FRK: variants seen among roughly 807,000 people sequenced by gnomAD.
The protein encoded by FRK is tyrosine-protein kinase FRK.
Under a neutral mutation model 56.4 loss-of-function variants are expected in FRK, and 51 were observed. The observed-to-expected ratio is 0.90, with a 90% CI of 0.72 to 1.14. FRK has a LOEUF of 1.14. FRK is among the 50% of genes most tolerant of loss of function. The pLI is 0.00. For missense variants in FRK, 570 were observed against 601.4 expected, an observed-to-expected ratio of 0.95 and a Z score of 0.55; for synonymous variants, 245 against 217.9, an observed-to-expected ratio of 1.12 and a Z score of -1.10.
the FRK span, among the ~76,000 whole-genome samples, chr6:116,095,624 C>T: frequency 6.6e-6 from 1 of 152,122 alleles, no homozygotes; most frequent in Non-Finnish European, 1.5e-5. Flanking sequence ...TAGAAATGGC[C>T]ACTGCTACAG....
At chr6:116,086,304 G>T in the FRK span, among the ~76,000 whole-genome samples, 7 of 152,130 alleles carry the variant, frequency 4.6e-5, no homozygotes, top group African/African-American at 1.7e-4. Flanking sequence ...TCTCAATATA[G>T]ATAAAAATCT....
intron 1 of FRK, among the ~76,000 whole-genome samples, chr6:116,008,961 C>T (rs1562283523): frequency 6.6e-6 from 1 of 152,094 alleles, no homozygotes; most frequent in African/African-American, 2.4e-5. Flanking sequence ...TTTAATTGAG[C>T]AAAGAATGAT....
chr6:116,003,848 T>C (rs1775151026), intron 2 of FRK, 29 bp downstream of exon 2: 3 of 1,611,428 alleles, frequency 1.9e-6, no homozygotes, highest in Non-Finnish European at 2.5e-6. Flanking sequence ...CTCAAGCTCA[T>C]ATTGAATGAC....
At chr6:115,985,144 A>G (rs1774342937) in intron 2 of FRK, among the ~76,000 whole-genome samples, 3 of 152,094 alleles carry the variant, frequency 2.0e-5, no homozygotes, top group Non-Finnish European at 4.4e-5. Flanking sequence ...CTCACTGTAA[A>G]GCCAAAAAGA....
chr6:116,094,993 C>T, the FRK span, among the ~76,000 whole-genome samples: 25 of 152,376 alleles, frequency 1.6e-4, no homozygotes, highest in African/African-American at 5.0e-4. Flanking sequence ...AATTGAAGGT[C>T]TTCTCTATAA....
chr6:115,942,595 A>G lies in FRK; in HGVS notation c.1337T>C (p.Leu446Ser). 6.2e-7 allele frequency: 1 copy of G among 1,613,784 alleles called. No individual in the cohort carries two copies. The highest frequency in any genetic ancestry group is 8.5e-7 in the Non-Finnish European group (1 of 1,179,730). Reference protein sequence around the residue: ...GMTGAQVIQMLAQNYRLPQPS... With the variant: ...GMTGAQVIQMSAQNYRLPQPS... ...TTGCGGAAGTCTATAGTTTTGAGCCAACATCTGGATTACCTGGGCACCTGT... is the reference window on the plus strand; with the variant it reads ...TTGCGGAAGTCTATAGTTTTGAGCCGACATCTGGATTACCTGGGCACCTGT... Residue 446 changes from leucine (L) to serine (S), a missense_variant, in exon 8 of 8, where the codon TTG becomes TCG. Leu to Ser is a moderately radical substitution (Grantham distance 145, BLOSUM62 -2). Coordinates refer to ENST00000606080, the MANE Select transcript of FRK (RefSeq NM_002031.3).
chr6:116,046,161 G>A (rs1248746901), intron 1 of FRK, among the ~76,000 whole-genome samples: 3 of 152,140 alleles, frequency 2.0e-5, no homozygotes, highest in African/African-American at 7.2e-5. Context: ...TGGAGAAATA[G>A]GAATGCTTTA....
At chr6:116,057,301 T>C (rs1202791269) in intron 1 of FRK, among the ~76,000 whole-genome samples, 1 of 152,180 alleles carries the variant, frequency 6.6e-6, no homozygotes, top group East Asian at 1.9e-4. Flanking sequence ...AAATAGACTT[T>C]TGAAAAAACT....
intron 1 of FRK, among the ~76,000 whole-genome samples, chr6:116,046,660 T>A (rs1406850109): frequency 6.6e-6 from 1 of 151,900 alleles, no homozygotes. Context: ...AGGGATAGCA[T>A]TAAGAGAAAT....
intron 2 of FRK, among the ~76,000 whole-genome samples, chr6:116,001,022 G>A (rs549799208): frequency 6.6e-6 from 1 of 152,220 alleles, no homozygotes; most frequent in African/African-American, 2.4e-5. Flanking sequence ...GATGGATCAC[G>A]AGGTCAGGAG....
At chr6:115,972,904 T>C (rs1321770274) in intron 2 of FRK, among the ~76,000 whole-genome samples, 1 of 152,206 alleles carries the variant, frequency 6.6e-6, no homozygotes, top group Non-Finnish European at 1.5e-5. Context: ...TAAGACGCTC[T>C]ATAACCAGCA....
At chr6:116,009,992 C>T (rs971552889) in intron 1 of FRK, among the ~76,000 whole-genome samples, 2 of 152,104 alleles carry the variant, frequency 1.3e-5, no homozygotes, top group African/African-American at 4.8e-5. Flanking sequence ...CTTTGGGAGG[C>T]CGAGGTGGGT....
At chr6:115,945,218 G>T (rs1316896679) in intron 5 of FRK, among the ~76,000 whole-genome samples, 2 of 151,968 alleles carry the variant, frequency 1.3e-5, no homozygotes, top group African/African-American at 4.8e-5. Flanking sequence ...TATTCCTTTG[G>T]TTATATATCC....
rs1209880938 is a variant in FRK at position 115,956,502 on chromosome 6, T to A, written c.908A>T (p.Tyr303Phe). The change falls in exon 5 of 8, where the codon TAT becomes TTT. Residue 303 changes from tyrosine (Y) to phenylalanine (F), a missense_variant. Coordinates refer to ENST00000606080, the MANE Select transcript of FRK (RefSeq NM_002031.3). The part of the protein sequence containing the change: ...YAVCTLEDPI[Y>F]IITELMRHGS... ...ATGTCTCATCAACTCTGTAATAATA[T>A]AAATTGGATCTTCTAAAGTGCAAAC... 1 of 1,583,280 alleles carries A rather than the reference T, an allele frequency of 6.3e-7. No homozygotes were observed. The highest frequency in any genetic ancestry group is 2.3e-5 in the East Asian group (1 of 43,756).
intron 1 of FRK, among the ~76,000 whole-genome samples, chr6:116,020,632 T>A (rs576237786): frequency 6.6e-6 from 1 of 152,282 alleles, no homozygotes; most frequent in South Asian, 2.1e-4. Flanking sequence ...TCATTTTGTA[T>A]CATTTTTCCT....
rs1021691660 is a variant in FRK, at chr6:115,932,018, A to G, written c.*10396T>C. On this transcript the variant is annotated 3_prime_UTR_variant, in exon 8 of 8. Transcript: ENST00000606080. ...TTGACGTCTGTTGCTTCAAATGAAT[A>G]ATAGATAAATTAACTACCTAGGCAA... 2 of 152,204 alleles carry G rather than the reference A, an allele frequency of 1.3e-5. No individual in the cohort carries two copies. The highest frequency in any genetic ancestry group is 2.9e-5 in the Non-Finnish European group (2 of 68,022). 9.4% of individuals were successfully genotyped at this position (152,204 alleles called of 1,614,324 possible). A position where few individuals can be genotyped will look rare whatever the true frequency, so the allele number is the denominator to read the frequency against.
intron 1 of FRK, among the ~76,000 whole-genome samples, chr6:116,050,887 G>A (rs889200102): frequency 2.6e-5 from 4 of 152,186 alleles, no homozygotes; most frequent in African/African-American, 9.6e-5. Flanking sequence ...GTGCAACTAG[G>A]AGTATCCAGA....
In FRK at chr6:115,941,521, ACT is replaced by A. The variant is rs1173840946; in HGVS notation, c.*891_*892del. 2.0e-5 allele frequency: 3 copies of A among 151,846 alleles called. No individual in the cohort carries two copies. Among genetic ancestry groups the A allele is most frequent in the Non-Finnish European group, 4.4e-5 (3 of 67,962 alleles). The allele number at this position is 151,846 out of a possible 1,614,324, so 9.4% of individuals were successfully genotyped here. On this transcript the variant is annotated 3_prime_UTR_variant, in exon 8 of 8. Transcript: ENST00000606080. ...AAGTAAAAAATAAAAAATAAATAAAACTCTGATCTGTAGGCCAAAGGGTACTT... is the reference window on the plus strand; with the variant it reads ...AAGTAAAAAATAAAAAATAAATAAAACTGATCTGTAGGCCAAAGGGTACTT...
intron 1 of FRK, chr6:116,039,210 C>G: frequency 6.9e-7 from 1 of 1,448,872 alleles, no homozygotes; most frequent in Non-Finnish European, 9.7e-7. Flanking sequence ...TCGCAGATAA[C>G]GTGAAGGACT....
Sources: allele counts gnomAD v4.1 joint callset (sites outside exome capture counted in the v4.1 genomes callset), GRCh38; gene constraint gnomAD v4.1.1; transcripts MANE v1.5; gene names NCBI Gene and HGNC (gene_info 2026-07-23, HGNC 2026-07-21).